Variants in XRCC4 observed in about 807,000 individuals in gnomAD.
XRCC4 encodes the protein DNA repair protein XRCC4.
Under a neutral mutation model 39.1 loss-of-function variants are expected in XRCC4, and 28 were observed. The observed-to-expected ratio is 0.72, with a 90% CI of 0.53 to 0.98. The LOEUF (loss-of-function observed/expected upper bound fraction) is 0.98, where lower values mean the gene tolerates loss of function less well. Ranked by LOEUF, XRCC4 falls within the 50% of genes least tolerant of loss-of-function variation. The pLI is 0.00. For synonymous variants in XRCC4, 123 were observed against 126.4 expected, an observed-to-expected ratio of 0.97 and a Z score of 0.18; for missense variants, 350 against 376.4, an observed-to-expected ratio of 0.93 and a Z score of 0.58.
chr5:83,091,898 A>G (rs1745445271), intron 1 of XRCC4, among the ~76,000 whole-genome samples: 1 of 152,216 alleles, frequency 6.6e-6, no homozygotes, highest in Non-Finnish European at 1.5e-5. Flanking sequence ...TTGCTGGATC[A>G]TATAGTAATT....
At chr5:83,161,980 A>G (rs1214521225) in intron 3 of XRCC4, among the ~76,000 whole-genome samples, 1 of 152,120 alleles carries the variant, frequency 6.6e-6, no homozygotes, top group Non-Finnish European at 1.5e-5. Context: ...CCTGGCTAAC[A>G]TGGTGAAACC....
At chr5:83,295,470 A>G (rs1287689817) in intron 7 of XRCC4, among the ~76,000 whole-genome samples, 1 of 152,076 alleles carries the variant, frequency 6.6e-6, no homozygotes, top group Non-Finnish European at 1.5e-5. Flanking sequence ...GTACTCCATG[A>G]TATGTGCTAT....
chr5:83,316,752 T>C (rs372252749), intron 7 of XRCC4, among the ~76,000 whole-genome samples: 97 of 124,960 alleles, frequency 7.8e-4, no homozygotes, highest in African/African-American at 1.2e-3. Context: ...ACATTAATAA[T>C]GGGAGACTTT....
chr5:83,218,209 C>T (rs1176398688), intron 6 of XRCC4, among the ~76,000 whole-genome samples: 2 of 101,088 alleles, frequency 2.0e-5, no homozygotes, highest in African/African-American at 7.7e-5. Flanking sequence ...CTAATGCTAT[C>T]CCTCCCCCCT....
intron 3 of XRCC4, among the ~76,000 whole-genome samples, chr5:83,135,933 A>G (rs1273530824): frequency 6.6e-6 from 1 of 151,704 alleles, no homozygotes; most frequent in Non-Finnish European, 1.5e-5. Flanking sequence ...ATGCCTGTTT[A>G]TCTTTGATTG....
chr5:83,219,719 G>A (rs577221891), intron 6 of XRCC4, among the ~76,000 whole-genome samples: 17 of 152,172 alleles, frequency 1.1e-4, no homozygotes, highest in African/African-American at 3.1e-4. Context: ...ACTGGATTTC[G>A]AAAACCTGCT....
chr5:83,104,061 A>G (rs958748400), intron 1 of XRCC4, among the ~76,000 whole-genome samples: 1 of 152,196 alleles, frequency 6.6e-6, no homozygotes, highest in African/African-American at 2.4e-5. Context: ...ATACTTAAAT[A>G]CAAAACTTAA....
chr5:83,178,623 A>C (rs747716452), intron 3 of XRCC4, among the ~76,000 whole-genome samples: 1 of 152,178 alleles, frequency 6.6e-6, no homozygotes, highest in Admixed American at 6.5e-5. Context: ...ATTTCAGTGG[A>C]GAATATAGAA....
At chr5:83,273,972 A>G (rs1189324970) in intron 7 of XRCC4, among the ~76,000 whole-genome samples, 2 of 151,892 alleles carry the variant, frequency 1.3e-5, no homozygotes, top group Non-Finnish European at 2.9e-5. Flanking sequence ...CTAGTTGTAG[A>G]TACTGCTGCT....
Position 83,159,122 on chromosome 5 carries a change from A to G in XRCC4, c.316-36648A>G, listed in dbSNP as rs1580308311. On this transcript the variant is annotated intron_variant, in intron 3 of 7. Coordinates refer to ENST00000396027, the MANE Select transcript of XRCC4 (RefSeq NM_003401.5). ...GGACTACCTGGAAAATATAAAAACA[A>G]TCATTGGTTTGAGGTAGTAAGATAG... Among the ~76,000 whole-genome samples the G allele has an allele frequency of 3.9e-5, 6 of 152,196 alleles. No individual in the cohort carries two copies. The South Asian group carries it at 8.3e-4, about 21-fold the overall frequency.
intron 7 of XRCC4, among the ~76,000 whole-genome samples, chr5:83,266,819 G>A (rs923532734): frequency 1.3e-5 from 2 of 151,934 alleles, no homozygotes; most frequent in African/African-American, 2.4e-5. Context: ...CAGTGTATTG[G>A]ATAAAGCAGT....
intron 3 of XRCC4, among the ~76,000 whole-genome samples, chr5:83,170,961 G>A (rs1253505741): frequency 6.6e-6 from 1 of 152,094 alleles, no homozygotes; most frequent in South Asian, 2.1e-4. Context: ...TCTTAAATGT[G>A]TCTGTATTCT....
chr5:83,244,953 A>C (rs925682870), intron 6 of XRCC4, among the ~76,000 whole-genome samples: 1 of 152,240 alleles, frequency 6.6e-6, no homozygotes, highest in Non-Finnish European at 1.5e-5. Context: ...TATATATTTC[A>C]TACTAATAAT....
At chr5:83,356,810 A>G (rs1247468800), downstream of XRCC4, 2 of 441,784 alleles carry the variant, frequency 4.5e-6, no homozygotes, top group African/African-American at 2.0e-5. Context: ...TGACCTTATC[A>G]TCCTCACCTC....
chr5:83,340,959 T>C (rs1305155524), intron 7 of XRCC4, among the ~76,000 whole-genome samples: 1 of 152,148 alleles, frequency 6.6e-6, no homozygotes, highest in African/African-American at 2.4e-5. Flanking sequence ...CTTTTTTGTG[T>C]ATTTCTGTTT....
At chr5:83,171,894 A>G (rs1239499226) in intron 3 of XRCC4, among the ~76,000 whole-genome samples, 1 of 152,220 alleles carries the variant, frequency 6.6e-6, no homozygotes, top group East Asian at 1.9e-4. Flanking sequence ...AACACATACT[A>G]TTGATTTGAA....
chr5:83,306,795 A>G (rs1437381089), intron 7 of XRCC4, among the ~76,000 whole-genome samples: 1 of 152,216 alleles, frequency 6.6e-6, no homozygotes, highest in Admixed American at 6.5e-5. Flanking sequence ...CAGTGACTGC[A>G]TTAGAGATGC....
At chr5:83,131,231 G>A (rs150830058) in intron 3 of XRCC4, among the ~76,000 whole-genome samples, 106 of 152,158 alleles carry the variant, frequency 7.0e-4, no homozygotes, top group Admixed American at 1.6e-3. Context: ...TTATTTACCC[G>A]TAGTCATTCA....
intron 7 of XRCC4, among the ~76,000 whole-genome samples, chr5:83,332,226 TACACACACAC>T (rs67822741): frequency 0.032 from 4,546 of 142,014 alleles, 212 homozygotes; most frequent in African/African-American, 0.11. Context: ...TTCAATCTTC[TACACACACAC>T]ACACACACAC....
Sources: allele counts gnomAD v4.1 joint callset (sites outside exome capture counted in the v4.1 genomes callset), GRCh38; gene constraint gnomAD v4.1.1; transcripts MANE v1.5; gene names NCBI Gene and HGNC (gene_info 2026-07-23, HGNC 2026-07-21).